GRIP1: variants seen among roughly 807,000 people sequenced by gnomAD.
GRIP1 encodes the protein glutamate receptor-interacting protein 1.
In GRIP1, 45 loss-of-function variants were observed where a neutral mutation model predicts 129.9. The ratio of observed to expected loss-of-function variants is 0.35; its 90% CI spans 0.27 to 0.44. GRIP1 has a LOEUF of 0.44. Ranked by LOEUF, GRIP1 falls within the 20% of genes least tolerant of loss-of-function variation. The pLI is 1.00. For missense variants in GRIP1, 1,196 were observed against 1,396.8 expected (o/e 0.86, Z 2.29); for synonymous variants, 530 against 520.8 (o/e 1.02, Z -0.24).
At chr12:66,821,019 T>C (rs1283149187) in intron 1 of GRIP1, among the ~76,000 whole-genome samples, 1 of 152,168 alleles carries the variant, frequency 6.6e-6, no homozygotes, top group African/African-American at 2.4e-5. Flanking sequence ...GAGATAATGA[T>C]ATGTCAGTAT....
intron 1 of GRIP1, among the ~76,000 whole-genome samples, chr12:67,035,140 C>T (rs1012724144): frequency 2.0e-5 from 3 of 152,126 alleles, no homozygotes; most frequent in Non-Finnish European, 4.4e-5. Context: ...AAAAACATCT[C>T]GTACAAGTAT....
At chr12:66,876,466 A>T (rs1504319) in intron 1 of GRIP1, among the ~76,000 whole-genome samples, 11,457 of 152,192 alleles carry the variant, frequency 0.075, 531 homozygotes, top group East Asian at 0.11. Context: ...CTAGTAAATG[A>T]CAGGTTAAAA....
chr12:66,965,452 G>C (rs1043255605), intron 1 of GRIP1, among the ~76,000 whole-genome samples: 2 of 151,672 alleles, frequency 1.3e-5, no homozygotes, highest in Non-Finnish European at 2.9e-5. Context: ...TAGATCTTCA[G>C]TCTACACTCC....
chr12:66,559,509 A>G (rs1371659120), intron 2 of GRIP1, among the ~76,000 whole-genome samples: 1 of 152,204 alleles, frequency 6.6e-6, no homozygotes, highest in African/African-American at 2.4e-5. Context: ...AACATAAAAA[A>G]TCAGTGGCAT....
At chr12:66,686,821 C>T (rs189324382) in intron 1 of GRIP1, among the ~76,000 whole-genome samples, 64 of 152,316 alleles carry the variant, frequency 4.2e-4, no homozygotes, top group South Asian at 2.7e-3. Flanking sequence ...CTTTGGGAGG[C>T]TGAGGCAGGA....
intron 19 of GRIP1, among the ~76,000 whole-genome samples, chr12:66,380,401 C>T (rs2056050771): frequency 6.6e-6 from 1 of 152,178 alleles, no homozygotes; most frequent in Non-Finnish European, 1.5e-5. Flanking sequence ...CCTCAGAGAA[C>T]TCAGAAGGGC....
chr12:66,586,276 CTCA>C (rs2063632566), intron 2 of GRIP1, among the ~76,000 whole-genome samples: 1 of 152,188 alleles, frequency 6.6e-6, no homozygotes, highest in Non-Finnish European at 1.5e-5. Context: ...TCTCATTCAT[CTCA>C]TCATCAATAT....
At chr12:66,902,139 A>G (rs528352985) in intron 1 of GRIP1, among the ~76,000 whole-genome samples, 1 of 152,276 alleles carries the variant, frequency 6.6e-6, no homozygotes, top group East Asian at 1.9e-4. Flanking sequence ...GCAATGATTC[A>G]ATGAGATGAT....
intron 1 of GRIP1, among the ~76,000 whole-genome samples, chr12:66,620,514 T>C (rs1030113122): frequency 2.6e-5 from 4 of 152,060 alleles, no homozygotes; most frequent in Non-Finnish European, 4.4e-5. Flanking sequence ...GACATTCTAC[T>C]TCATTATCAG....
At chr12:66,807,336 T>G (rs2039012633), upstream of GRIP1, among the ~76,000 whole-genome samples, 1 of 152,246 alleles carries the variant, frequency 6.6e-6, no homozygotes, top group African/African-American at 2.4e-5. Context: ...GGTACTATTC[T>G]CTCAGCAGTG....
intron 5 of GRIP1, among the ~76,000 whole-genome samples, chr12:66,528,145 T>TGTTTTTTTTTTTTTTTTTG (rs4134419): frequency 7.0e-6 from 1 of 142,674 alleles, no homozygotes. Flanking sequence ...TTTTTTTTTT[T>TGTTTTTTTTTTTTTTTTTG]TTTTTTTGAG....
At chr12:67,049,966 A>ATTTTTTTTT in intron 1 of GRIP1, among the ~76,000 whole-genome samples, 1 of 139,106 alleles carries the variant, frequency 7.2e-6, no homozygotes, top group Non-Finnish European at 1.5e-5. Context: ...GCGTATTTGA[A>ATTTTTTTTT]TTTCTTTTTT....
intron 1 of GRIP1, among the ~76,000 whole-genome samples, chr12:67,009,278 C>A (rs1159263373): frequency 6.6e-6 from 1 of 152,054 alleles, no homozygotes; most frequent in Non-Finnish European, 1.5e-5. Flanking sequence ...GATTATTTAG[C>A]TTTCTTTTTG....
At chr12:67,053,459 CA>C (rs1265908554) in intron 1 of GRIP1, among the ~76,000 whole-genome samples, 15 of 152,182 alleles carry the variant, frequency 9.9e-5, no homozygotes, top group African/African-American at 3.6e-4. Flanking sequence ...CGATTGCTAA[CA>C]CAAAAATCAT....
intron 1 of GRIP1, among the ~76,000 whole-genome samples, chr12:66,801,162 C>A (rs1478910870): frequency 6.6e-6 from 1 of 151,990 alleles, no homozygotes; most frequent in South Asian, 2.1e-4. Context: ...GCTTTAGGGA[C>A]AAAGCCACCT....
At chr12:66,597,950 T>C (rs1198932263) in intron 1 of GRIP1, among the ~76,000 whole-genome samples, 1 of 152,088 alleles carries the variant, frequency 6.6e-6, no homozygotes, top group African/African-American at 2.4e-5. Context: ...CTTGAGTAAA[T>C]AGAATGTAAA....
chr12:66,745,960 A>G (rs2036932239), intron 1 of GRIP1, among the ~76,000 whole-genome samples: 1 of 152,176 alleles, frequency 6.6e-6, no homozygotes. Flanking sequence ...GAGGATACTG[A>G]AAGCTTCAAA....
intron 1 of GRIP1, among the ~76,000 whole-genome samples, chr12:67,005,848 G>A (rs2042618142): frequency 6.6e-6 from 1 of 152,138 alleles, no homozygotes; most frequent in Non-Finnish European, 1.5e-5. Context: ...GAACAAGGAA[G>A]ACCTGAAAGT....
chr12:66,560,758 C>T (rs1047718227), intron 2 of GRIP1, among the ~76,000 whole-genome samples: 1 of 152,048 alleles, frequency 6.6e-6, no homozygotes, highest in Non-Finnish European at 1.5e-5. Flanking sequence ...AGCAGTTTGG[C>T]GGTTCCTCAC....
Sources: gnomAD v4.1 joint callset for allele counts (sites outside exome capture counted in the v4.1 genomes callset) on GRCh38, gnomAD v4.1.1 for gene constraint, MANE v1.5 for transcripts, NCBI Gene and HGNC (gene_info 2026-07-23, HGNC 2026-07-21) for gene names.